Variants in SYNE2 observed in about 807,000 individuals in gnomAD.
SYNE2 encodes nesprin-2.
SYNE2 carries 431 observed loss-of-function variants against 856.3 expected under a neutral mutation model. That is an observed-to-expected ratio of 0.50 (90% CI 0.47 to 0.55). The LOEUF (loss-of-function observed/expected upper bound fraction) is 0.55, where lower values mean the gene tolerates loss of function less well. Among genes scored for constraint, SYNE2 ranks in the 20% least tolerant of loss-of-function variants. SYNE2 has a pLI of 0.00. For missense variants in SYNE2, 8,129 were observed against 8,023.2 expected (o/e 1.01, Z -0.50); for synonymous variants, 2,923 against 2,872.3 (o/e 1.02, Z -0.56).
In SYNE2 at chr14:64,031,029, G is replaced by A; in HGVS notation, c.6893G>A (p.Arg2298Lys). 6.2e-7 allele frequency: 1 copy of A among 1,613,600 alleles called. No individual in the cohort carries two copies. Reference sequence around the variant, plus strand: ...CTCCACTCGTAGGAACTAGAGAATAGACTCAGTTTACAAGATGGCACATTA... The same window carrying A: ...CTCCACTCGTAGGAACTAGAGAATAAACTCAGTTTACAAGATGGCACATTA... Reference protein sequence around the residue: ...KLQKLQELENRLSLQDGTLKK... With the variant: ...KLQKLQELENKLSLQDGTLKK... Residue 2298 changes from arginine (R) to lysine (K), a missense_variant, in exon 45 of 116, where the codon AGA (arginine) becomes AAA (lysine). Arg to Lys is a conservative substitution (Grantham distance 26, BLOSUM62 2). Coordinates refer to ENST00000555002, the MANE Select transcript of SYNE2 (RefSeq NM_182914.3).
chr14:63,852,936 G>T, upstream of SYNE2: 1 of 152,118 alleles, frequency 6.6e-6, no homozygotes, highest in South Asian at 2.0e-4. Context: ...CCCGGAGGCG[G>T]GCGGCGGGCG....
At position 63,980,634 on chromosome 14, in the gene SYNE2, G is replaced by GT. The variant is rs1374693410; in HGVS notation, c.1570-14dup. The GT allele has an allele frequency of 6.7e-7, 1 of 1,502,334 alleles. No individual in the cohort carries two copies. The highest frequency in any genetic ancestry group is 9.3e-7 in the Non-Finnish European group (1 of 1,080,364). 93.1% of individuals were successfully genotyped at this position (1,502,334 alleles called of 1,614,324 possible). A position where few individuals can be genotyped will look rare whatever the true frequency, so the allele number is the denominator to read the frequency against. ...TTTTAAAAGTAAAAACTGTCAATAT[G>GT]TTTTTTGTTTTCTTCCCAGAAATTT... On this transcript the variant is annotated intron_variant, in intron 14 of 115. Coordinates refer to ENST00000555002, the MANE Select transcript of SYNE2 (RefSeq NM_182914.3).
intron 30 of SYNE2, among the ~76,000 whole-genome samples, chr14:64,004,405 G>A (rs1303123019): frequency 6.6e-6 from 1 of 150,828 alleles, no homozygotes; most frequent in East Asian, 2.0e-4. Context: ...ATCTCGGCTC[G>A]CTGCAACCTC....
At chr14:64,157,500 T>C (rs1231997783) in intron 85 of SYNE2, among the ~76,000 whole-genome samples, 1 of 152,236 alleles carries the variant, frequency 6.6e-6, no homozygotes, top group Admixed American at 6.5e-5. Flanking sequence ...GATGAACATG[T>C]GGGTTGTTTC....
Position 64,000,587 on chromosome 14 carries a change from G to A in SYNE2, c.3506G>A (p.Arg1169His), listed in dbSNP as rs200437377. 1,531 of 1,613,294 alleles carry A rather than the reference G, an allele frequency of 9.5e-4. 1 individual carries two copies. Among genetic ancestry groups the A allele is most frequent in the Middle Eastern group, 1.8e-3 (11 of 6,054 alleles). The change falls in exon 28 of 116, where the codon CGC (arginine) becomes CAC (histidine). Residue 1169 changes from arginine to histidine, a missense_variant. This residue lies in a region of SYNE2 where 2,422 missense variants were observed against 2,357.4 expected (regional missense o/e 1.03). Transcript: ENST00000555002. Reference sequence around the variant, plus strand: ...GTCATAAAAAATGAAACTGATGCTCGCTGGAAAGAGTTTGAAATTATTTCA... The same window carrying A: ...GTCATAAAAAATGAAACTGATGCTCACTGGAAAGAGTTTGAAATTATTTCA... ...LQVIKNETDA[R>H]WKEFEIISLK...
chr14:64,086,082 T>C (rs2097559330), intron 57 of SYNE2, among the ~76,000 whole-genome samples: 1 of 152,226 alleles, frequency 6.6e-6, no homozygotes, highest in Non-Finnish European at 1.5e-5. Context: ...AATCCTTACC[T>C]AACCCAGGGT....
chr14:64,121,966 C>G (rs1316963622), intron 68 of SYNE2, 46 bp from the exon 69 acceptor site: 3 of 1,610,858 alleles, frequency 1.9e-6, no homozygotes, highest in Non-Finnish European at 2.5e-6. Context: ...GGGTACTAAT[C>G]GAAAAGCTTG....
chr14:64,052,801 AGC>A lies in SYNE2; in HGVS notation c.8891_8892del (p.Arg2964GlnfsTer2). Reference sequence around the variant, plus strand: ...CTTCAGGAGGAGGCTGACAGTATACAGCGCAATGAACTATTACTTAATCAAGA... The same window carrying A: ...CTTCAGGAGGAGGCTGACAGTATACAGCAATGAACTATTACTTAATCAAGA... On this transcript the variant is annotated frameshift_variant, in exon 48 of 116. Transcript: ENST00000555002. LOFTEE classifies it high-confidence loss of function. 2 of 1,612,660 alleles carry A rather than the reference AGC, an allele frequency of 1.2e-6. No homozygotes were observed. The highest frequency in any genetic ancestry group is 1.7e-6 in the Non-Finnish European group (2 of 1,179,668).
intron 57 of SYNE2, among the ~76,000 whole-genome samples, chr14:64,086,702 C>CTTTTTTTT (rs56168321): frequency 3.1e-5 from 2 of 64,652 alleles, no homozygotes; most frequent in African/African-American, 6.1e-5. Flanking sequence ...GTATGCAGGT[C>CTTTTTTTT]TTTTTTTTTT....
intron 1 of SYNE2, among the ~76,000 whole-genome samples, chr14:63,866,225 C>A (rs1277869826): frequency 6.6e-6 from 1 of 152,118 alleles, no homozygotes; most frequent in Non-Finnish European, 1.5e-5. Flanking sequence ...TGAGTAGAAA[C>A]AAAACTCGAA....
intron 85 of SYNE2, among the ~76,000 whole-genome samples, chr14:64,156,758 C>T (rs541654733): frequency 2.1e-4 from 32 of 152,108 alleles, no homozygotes; most frequent in Non-Finnish European, 3.7e-4. Flanking sequence ...CACACCTGGC[C>T]GCCTTCTTTA....
Position 64,002,862 on chromosome 14 carries a change from G to T in SYNE2, c.3929G>T (p.Gly1310Val). The T allele has an allele frequency of 6.2e-7, 1 of 1,614,168 alleles. No homozygotes were observed. The highest frequency in any genetic ancestry group is 8.5e-7 in the Non-Finnish European group (1 of 1,180,034). Residue 1310 changes from glycine (G) to valine (V), a missense_variant, in exon 30 of 116, where the codon GGA (glycine) becomes GTA (valine). Gly to Val is a moderately radical substitution (Grantham distance 109). Coordinates refer to ENST00000555002, the MANE Select transcript of SYNE2 (RefSeq NM_182914.3). ...CTGAAATACAAAACACAATTTGAAG[G>T]AATGAACCACAGGGTGCAGAGGAGT... ...IILKYKTQFE[G>V]MNHRVQRSED...
chr14:64,000,754 TA>T, intron 28 of SYNE2, 35 bp downstream of exon 28: 1 of 1,576,896 alleles, frequency 6.3e-7, no homozygotes, highest in East Asian at 2.2e-5. Context: ...ATGAATCTAA[TA>T]AACTCACTAA....
chr14:64,060,151 T>G (rs2097305231), intron 49 of SYNE2, among the ~76,000 whole-genome samples: 1 of 151,852 alleles, frequency 6.6e-6, no homozygotes, highest in Non-Finnish European at 1.5e-5. Context: ...CCACTGTGGC[T>G]TAGCTGGTAC....
intron 84 of SYNE2, among the ~76,000 whole-genome samples, chr14:64,149,408 A>G (rs923059881): frequency 1.3e-5 from 2 of 152,044 alleles, no homozygotes; most frequent in African/African-American, 4.8e-5. Flanking sequence ...AAGCTTGCTA[A>G]AGTGGCTTTA....
intron 2 of SYNE2, among the ~76,000 whole-genome samples, chr14:63,914,070 C>G (rs79174735): frequency 6.6e-6 from 1 of 152,044 alleles, no homozygotes; most frequent in Admixed American, 6.6e-5. Context: ...TTAATTCTTT[C>G]CATTTGGATT....
chr14:64,186,706 G>A lies in SYNE2; in HGVS notation c.17712+127G>A, dbSNP rs539881686. ...CCCTTTTCAGTGGGACCCCTGGCCC[G>A]GCCGCTGCTCCTTTAGAAGGCAGCA... On this transcript the variant is annotated intron_variant, in intron 97 of 115. Transcript: ENST00000555002. The A allele has an allele frequency of 1.5e-4, 187 of 1,227,254 alleles. No homozygotes were observed. The African/African-American group carries it at 2.1e-3, about 14-fold the overall frequency. The allele number at this position is 1,227,254 out of a possible 1,614,324, so 76.0% of individuals were successfully genotyped here. A position where few individuals can be genotyped will look rare whatever the true frequency, so the allele number is the denominator to read the frequency against.
chr14:64,203,006 G>C, intron 100 of SYNE2, 43 bp downstream of exon 100: 7 of 1,609,664 alleles, frequency 4.3e-6, no homozygotes, highest in Non-Finnish European at 5.9e-6. Context: ...TACGGTGTCC[G>C]CGATATGCAC....
intron 6 of SYNE2, among the ~76,000 whole-genome samples, chr14:63,948,804 A>ATGTGTGTGTG (rs1566885022): frequency 1.2e-4 from 13 of 110,866 alleles, no homozygotes; most frequent in Admixed American, 2.9e-4. Context: ...ATATATATAT[A>ATGTGTGTGTG]TATATATATA....
Sources: allele counts gnomAD v4.1 joint callset (sites outside exome capture counted in the v4.1 genomes callset), GRCh38; gene constraint gnomAD v4.1.1; regional missense constraint gnomAD v4.1.1; transcripts MANE v1.5; gene names NCBI Gene and HGNC (gene_info 2026-07-23, HGNC 2026-07-21).